The following DHRS7B variants were observed in gnomAD, a reference collection of about 807,000 sequenced individuals.
DHRS7B encodes the protein peroxisomal reductase activating PPAR-gamma.
In DHRS7B, 24 loss-of-function variants were observed where a neutral mutation model predicts 26.4. The ratio of observed to expected loss-of-function variants is 0.91; its 90% CI spans 0.66 to 1.28. The LOEUF (loss-of-function observed/expected upper bound fraction) is 1.28, where lower values mean the gene tolerates loss of function less well. DHRS7B is among the 50% of genes most tolerant of loss of function. The pLI, the probability that DHRS7B is intolerant of heterozygous loss-of-function variation, is 0.00. For synonymous variants in DHRS7B, 142 were observed against 166.4 expected (o/e 0.85, Z 1.13); for missense variants, 368 against 419.4 (o/e 0.88, Z 1.07).
At chr17:21,134,635 T>C (rs1435414554) in intron 1 of DHRS7B, among the ~76,000 whole-genome samples, 1 of 152,208 alleles carries the variant, frequency 6.6e-6, no homozygotes, top group Non-Finnish European at 1.5e-5. Flanking sequence ...GTTTCTCCAA[T>C]TGTGTCCTGC....
chr17:21,155,847 C>T (rs1973867830), intron 1 of DHRS7B, among the ~76,000 whole-genome samples: 1 of 152,050 alleles, frequency 6.6e-6, no homozygotes, highest in Non-Finnish European at 1.5e-5. Context: ...AGTGATTAAA[C>T]AACATACTTG....
chr17:21,159,817 T>C (rs1317901640), intron 1 of DHRS7B, among the ~76,000 whole-genome samples: 1 of 130,580 alleles, frequency 7.7e-6, no homozygotes, highest in African/African-American at 3.0e-5. Context: ...GAGGTGGCAG[T>C]GAGCCACTGC....
Position 21,188,067 on chromosome 17 carries a change from G to C in DHRS7B, c.620-644G>C, listed in dbSNP as rs138439669. On this transcript the variant is annotated intron_variant, in intron 5 of 6. Transcript: ENST00000395511. ...GGGTTTCATCGTGTTAGCTAGGATG[G>C]TCTCGATCTCCTGACCTCGTGATCC... 1.9e-3 allele frequency among the ~76,000 whole-genome samples: 285 copies of C among 152,134 alleles called. 2 individuals carry two copies. The highest frequency in any genetic ancestry group is 6.7e-3 in the African/African-American group (279 of 41,516).
At chr17:21,147,675 A>G (rs1973671649) in intron 1 of DHRS7B, among the ~76,000 whole-genome samples, 2 of 152,148 alleles carry the variant, frequency 1.3e-5, no homozygotes, top group African/African-American at 4.8e-5. Flanking sequence ...CATCCCTATC[A>G]TCTTGGATTC....
intron 1 of DHRS7B, among the ~76,000 whole-genome samples, chr17:21,160,936 T>C (rs1973986422): frequency 6.6e-6 from 1 of 152,208 alleles, no homozygotes; most frequent in African/African-American, 2.4e-5. Context: ...AAATGTATAT[T>C]ACTAAGTGAA....
intron 3 of DHRS7B, among the ~76,000 whole-genome samples, chr17:21,179,840 C>T (rs1974475835): frequency 1.3e-5 from 2 of 150,902 alleles, no homozygotes; most frequent in South Asian, 2.1e-4. Flanking sequence ...GATCTCAGCT[C>T]ACCACAACCT....
At position 21,139,764 on chromosome 17, in the gene DHRS7B, G is replaced by A. The variant is rs139252444; in HGVS notation, c.20+12773G>A. Among the ~76,000 whole-genome samples, 1,451 of 152,000 alleles carry A rather than the reference G, an allele frequency of 9.5e-3. 31 individuals carry two copies. Among genetic ancestry groups the A allele is most frequent in the African/African-American group, 0.033 (1,369 of 41,490 alleles). On this transcript the variant is annotated intron_variant, in intron 1 of 6. Coordinates refer to ENST00000395511, the MANE Select transcript of DHRS7B (RefSeq NM_015510.5). ...TGGCAATTGTTAAGACATTTCTAATGTTTCCCAATAATTTTAAAACTTGCT... is the reference window on the plus strand; with the variant it reads ...TGGCAATTGTTAAGACATTTCTAATATTTCCCAATAATTTTAAAACTTGCT...
At chr17:21,152,822 A>G (rs1304421761) in intron 1 of DHRS7B, among the ~76,000 whole-genome samples, 1 of 152,136 alleles carries the variant, frequency 6.6e-6, no homozygotes, top group Non-Finnish European at 1.5e-5. Context: ...ATCCTGTCCC[A>G]CCTGAAGGGG....
intron 1 of DHRS7B, among the ~76,000 whole-genome samples, chr17:21,161,231 G>A (rs572222496): frequency 1.4e-4 from 22 of 152,308 alleles, no homozygotes; most frequent in Admixed American, 1.0e-3. Context: ...CAGCATAGGC[G>A]CATGGGTTTT....
chr17:21,129,976 G>C (rs4985830), intron 1 of DHRS7B, among the ~76,000 whole-genome samples: 54,698 of 152,060 alleles, frequency 0.36, 10,869 homozygotes, highest in Non-Finnish European at 0.44. Flanking sequence ...GTGCTACCTA[G>C]TTACTTTTTT....
intron 1 of DHRS7B, among the ~76,000 whole-genome samples, chr17:21,154,260 A>T (rs1973832797): frequency 6.6e-6 from 1 of 152,126 alleles, no homozygotes; most frequent in Admixed American, 6.5e-5. Flanking sequence ...CAGTGAGCCG[A>T]GATCGTGACA....
intron 5 of DHRS7B, among the ~76,000 whole-genome samples, chr17:21,187,114 A>ATATAT (rs1567631166): frequency 5.0e-5 from 5 of 100,248 alleles, no homozygotes; most frequent in Non-Finnish European, 8.1e-5. Flanking sequence ...TATATATATA[A>ATATAT]AATATATAAA....
At chr17:21,144,795 G>A (rs1337140969) in intron 1 of DHRS7B, among the ~76,000 whole-genome samples, 1 of 152,088 alleles carries the variant, frequency 6.6e-6, no homozygotes, top group Non-Finnish European at 1.5e-5. Flanking sequence ...TCCAGCCTGG[G>A]TGACAGAGTG....
chr17:21,191,132 G>A lies in DHRS7B; in HGVS notation c.957G>A (p.Glu319=). ...TCATGGCCTCCAGGGCCAGAAAAGA[G>A]CGGAAATCCAAGAACTCCTAGTACT... is the stretch of plus-strand genomic sequence containing the variant. ...FSLMASRARK[E]RKSKNS The change falls in exon 7 of 7, where the codon GAG becomes GAA. Residue 319 remains glutamate, a synonymous_variant. Coordinates refer to ENST00000395511, the MANE Select transcript of DHRS7B (RefSeq NM_015510.5). 6.2e-7 allele frequency: 1 copy of A among 1,613,736 alleles called. No individual in the cohort carries two copies.
At chr17:21,170,966 C>T (rs1156823648) in intron 1 of DHRS7B, among the ~76,000 whole-genome samples, 1 of 152,050 alleles carries the variant, frequency 6.6e-6, no homozygotes, top group Non-Finnish European at 1.5e-5. Flanking sequence ...GTCTGGTTTG[C>T]CAGAACTCTC....
intron 2 of DHRS7B, among the ~76,000 whole-genome samples, chr17:21,174,217 G>C (rs949747570): frequency 6.6e-6 from 1 of 152,240 alleles, no homozygotes; most frequent in Non-Finnish European, 1.5e-5. Flanking sequence ...TCTGCCTGCC[G>C]TGTCAGCCAC....
At chr17:21,160,362 T>TA (rs1175253024) in intron 1 of DHRS7B, among the ~76,000 whole-genome samples, 1 of 150,092 alleles carries the variant, frequency 6.7e-6, no homozygotes, top group Admixed American at 6.6e-5. Flanking sequence ...GTCTCAAAAA[T>TA]AAAAAAATTT....
intron 1 of DHRS7B, among the ~76,000 whole-genome samples, chr17:21,169,246 A>C (rs1450794268): frequency 6.6e-6 from 1 of 152,218 alleles, no homozygotes; most frequent in Non-Finnish European, 1.5e-5. Context: ...TGGACACTTA[A>C]TACATTTAAT....
chr17:21,175,374 A>G (rs1974352838), intron 2 of DHRS7B, among the ~76,000 whole-genome samples: 1 of 152,096 alleles, frequency 6.6e-6, no homozygotes, highest in African/African-American at 2.4e-5. Context: ...AGCTGAGGAG[A>G]TGGCAGCCCT....
Sources: gnomAD v4.1 joint callset for allele counts (sites outside exome capture counted in the v4.1 genomes callset) on GRCh38, gnomAD v4.1.1 for gene constraint, MANE v1.5 for transcripts, NCBI Gene and HGNC (gene_info 2026-07-23, HGNC 2026-07-21) for gene names.